Variants in BLTP2 observed in about 807,000 individuals in gnomAD.
BLTP2 encodes U937-associated antigen.
chr17:28,634,469 G>T, the BLTP2 span: 1 of 1,564,998 alleles, frequency 6.4e-7, no homozygotes, highest in South Asian at 1.2e-5. Context: ...GCTCCCCAGA[G>T]CTCAGCGGGC....
chr17:28,639,832 T>A, the BLTP2 span: 2 of 1,579,058 alleles, frequency 1.3e-6, no homozygotes, highest in African/African-American at 2.7e-5. Context: ...GGAGACCATA[T>A]GGGGCATGAG....
At chr17:28,634,905 G>A in the BLTP2 span, 33 of 1,613,730 alleles carry the variant, frequency 2.0e-5, no homozygotes, top group Non-Finnish European at 2.3e-5. Flanking sequence ...TCATCAGCTC[G>A]TAGTTATCAT....
chr17:28,621,763 A>G, the BLTP2 span, among the ~76,000 whole-genome samples: 1 of 152,184 alleles, frequency 6.6e-6, no homozygotes, highest in Non-Finnish European at 1.5e-5. Context: ...ACAATGAGAA[A>G]GGTTCAAATC....
chr17:28,620,377 C>T, the BLTP2 span: 1 of 1,043,058 alleles, frequency 9.6e-7, no homozygotes, highest in Non-Finnish European at 1.4e-6. Context: ...TCACTGCCGA[C>T]TAAGAGAATC....
At chr17:28,643,661 T>C in the BLTP2 span, 3 of 1,614,012 alleles carry the variant, frequency 1.9e-6, no homozygotes, top group Non-Finnish European at 2.5e-6. Context: ...ATCAATTTCC[T>C]AAAACAGTGA....
the BLTP2 span, chr17:28,619,944 G>A: frequency 1.3e-4 from 203 of 1,613,882 alleles, no homozygotes; most frequent in Non-Finnish European, 1.6e-4. Context: ...GCAGTATGCT[G>A]CTGCGTTGCT....
chr17:28,618,240 T>A, the BLTP2 span, among the ~76,000 whole-genome samples: 1 of 151,398 alleles, frequency 6.6e-6, no homozygotes, highest in Non-Finnish European at 1.5e-5. Flanking sequence ...GCCTATCATA[T>A]ATGTTTTTAA....
the BLTP2 span, chr17:28,638,267 G>A: frequency 6.2e-7 from 1 of 1,612,516 alleles, no homozygotes; most frequent in African/African-American, 1.3e-5. Flanking sequence ...GTGTGAAGGA[G>A]TCCAGAACAA....
chr17:28,641,943 T>A, the BLTP2 span: 1 of 1,614,136 alleles, frequency 6.2e-7, no homozygotes, highest in Non-Finnish European at 8.5e-7. Context: ...AGCAGTTGGC[T>A]CTGGAAGAGG....
chr17:28,618,430 TTTG>T, the BLTP2 span, among the ~76,000 whole-genome samples: 6 of 151,852 alleles, frequency 4.0e-5, no homozygotes, highest in African/African-American at 1.2e-4. Context: ...TTTTAAAATT[TTTG>T]TTGAACTCTT....
the BLTP2 span, chr17:28,624,143 A>T: frequency 6.8e-7 from 1 of 1,479,390 alleles, no homozygotes; most frequent in Non-Finnish European, 9.3e-7. Context: ...TTGGAGCTCT[A>T]TTCACCCATT....
At chr17:28,623,942 C>G in the BLTP2 span, 3 of 1,613,884 alleles carry the variant, frequency 1.9e-6, no homozygotes, top group East Asian at 4.5e-5. Flanking sequence ...ACACAGCCTT[C>G]TGTCTCTGCT....
chr17:28,628,818 C>T, the BLTP2 span, among the ~76,000 whole-genome samples: 3 of 151,984 alleles, frequency 2.0e-5, no homozygotes, highest in Non-Finnish European at 4.4e-5. Context: ...CTGGTAATCC[C>T]AGCTACTCAG....
At chr17:28,635,179 C>T in the BLTP2 span, 31 of 1,613,844 alleles carry the variant, frequency 1.9e-5, no homozygotes, top group Non-Finnish European at 2.6e-5. Context: ...GAAGGGGTTC[C>T]GGTGGAGGAT....
At chr17:28,620,903 C>T in the BLTP2 span, 5 of 1,286,372 alleles carry the variant, frequency 3.9e-6, no homozygotes, top group Non-Finnish European at 5.5e-6. Flanking sequence ...TTTTTAATAA[C>T]TCTACTGTCT....
the BLTP2 span, chr17:28,643,562 A>T: frequency 6.4e-7 from 1 of 1,568,288 alleles, no homozygotes; most frequent in Non-Finnish European, 8.8e-7. Context: ...GCAAACACCA[A>T]CTCCAAAGTA....
At chr17:28,631,694 G>C in the BLTP2 span, 5 of 1,613,948 alleles carry the variant, frequency 3.1e-6, no homozygotes, top group Non-Finnish European at 4.2e-6. Context: ...GAGAAAAAGA[G>C]GCACACAGAG....
At chr17:28,643,540 G>A in the BLTP2 span, 1 of 1,484,578 alleles carries the variant, frequency 6.7e-7, no homozygotes, top group Non-Finnish European at 9.4e-7. Context: ...CTCTGCAGAA[G>A]AGTGTCACTC....
the BLTP2 span, chr17:28,640,309 C>G: frequency 2.0e-6 from 1 of 504,364 alleles, no homozygotes; most frequent in Non-Finnish European, 3.5e-6. Context: ...AGGAGAATCG[C>G]TTGAACCTGG....
Sources: allele counts gnomAD v4.1 joint callset (sites outside exome capture counted in the v4.1 genomes callset), GRCh38; gene constraint gnomAD v4.1.1; transcripts MANE v1.5; gene names NCBI Gene and HGNC (gene_info 2026-07-23, HGNC 2026-07-21).